Variants in MMP24 observed in about 807,000 individuals in gnomAD.
MMP24 encodes matrix metalloproteinase-24.
Under a neutral mutation model 62.8 loss-of-function variants are expected in MMP24, and 25 were observed. The observed-to-expected ratio is 0.40, with a 90% CI of 0.29 to 0.56. The LOEUF is 0.56. Ranked by LOEUF, MMP24 falls within the 20% of genes least tolerant of loss-of-function variation. MMP24 has a pLI of 0.50. For missense variants in MMP24, 634 were observed against 853.6 expected (o/e 0.74, Z 3.21); for synonymous variants, 319 against 350.5 (o/e 0.91, Z 1.00).
At chr20:35,237,509 C>A (rs1476835222) in intron 1 of MMP24, among the ~76,000 whole-genome samples, 1 of 152,214 alleles carries the variant, frequency 6.6e-6, no homozygotes, top group Admixed American at 6.5e-5. Context: ...TTAACTTAAT[C>A]ATTTCTATAA....
intron 1 of MMP24, among the ~76,000 whole-genome samples, chr20:35,245,387 ATCTCTCTCTCTTCTCTCTGTCTCTGTCTG>A (rs2146209935): frequency 6.6e-6 from 1 of 151,798 alleles, no homozygotes; most frequent in South Asian, 2.1e-4. Flanking sequence ...TACTTACTTT[ATCTCTCTCTCTTCTCTCTGTCTCTGTCTG>A]TCTCTCTCTT....
chr20:35,263,670 TG>T, intron 4 of MMP24, 120 bp from the exon 5 acceptor site: 3 of 770,380 alleles, frequency 3.9e-6, no homozygotes, highest in African/African-American at 1.8e-5. Flanking sequence ...TGTATGTCCC[TG>T]GTGTCCAGCA....
intron 7 of MMP24, among the ~76,000 whole-genome samples, chr20:35,270,439 C>A (rs2060662701): frequency 6.6e-6 from 1 of 152,244 alleles, no homozygotes; most frequent in Non-Finnish European, 1.5e-5. Flanking sequence ...CACCTGATGG[C>A]CACGGAGGCC....
At chr20:35,245,643 T>C (rs2060510854) in intron 1 of MMP24, among the ~76,000 whole-genome samples, 1 of 151,850 alleles carries the variant, frequency 6.6e-6, no homozygotes, top group Non-Finnish European at 1.5e-5. Flanking sequence ...GAGACGAGGT[T>C]TCATCATATT....
chr20:35,271,669 A>C lies in MMP24; in HGVS notation c.1434A>C (p.Thr478=), dbSNP rs1206874375. ...GTTTGCCCCGTGAAGGCATTGACAC[A>C]GCTCTGCGCTGGGAACCTGTGGGCA... The part of the protein sequence containing the change: ...GSCLPREGID[T]ALRWEPVGKT... Residue 478 remains threonine (T), a synonymous_variant, in exon 8 of 9, where the codon ACA becomes ACC. Transcript: ENST00000246186. The surrounding 1 kb of genome is among the most constrained non-coding windows in gnomAD (Gnocchi z 4.0). 6.2e-7 allele frequency: 1 copy of C among 1,609,440 alleles called. No individual in the cohort carries two copies. Among genetic ancestry groups the C allele is most frequent in the Non-Finnish European group, 8.5e-7 (1 of 1,178,060 alleles).
chr20:35,227,966 T>C (rs1403536202), intron 1 of MMP24, among the ~76,000 whole-genome samples: 2 of 152,104 alleles, frequency 1.3e-5, no homozygotes, highest in Non-Finnish European at 1.5e-5. Flanking sequence ...GGGGGTGCAG[T>C]TGGACTAATT....
At chr20:35,235,073 G>T (rs138870133) in intron 1 of MMP24, among the ~76,000 whole-genome samples, 31 of 152,290 alleles carry the variant, frequency 2.0e-4, no homozygotes, top group South Asian at 2.1e-4. Context: ...ATGACTTACA[G>T]GTTATTTAGT....
Position 35,275,720 on chromosome 20 carries a change from G to A in MMP24, c.*1111G>A, listed in dbSNP as rs559759625. The stretch of plus-strand genomic sequence containing the variant: ...TCAGTGCCCCCACTACTCTGAGGCC[G>A]ACTCCAGCTACTCTGAGGCCGACTC... On this transcript the variant is annotated 3_prime_UTR_variant, in exon 9 of 9. Transcript: ENST00000246186. The A allele has an allele frequency of 2.5e-5, 7 of 283,292 alleles. No individual in the cohort carries two copies. Among genetic ancestry groups the A allele is most frequent in the African/African-American group, 1.3e-4 (6 of 46,240 alleles). 17.5% of individuals were successfully genotyped at this position (283,292 alleles called of 1,614,324 possible). A position where few individuals can be genotyped will look rare whatever the true frequency, so the allele number is the denominator to read the frequency against.
At chr20:35,243,022 A>G (rs2060496786) in intron 1 of MMP24, among the ~76,000 whole-genome samples, 1 of 152,148 alleles carries the variant, frequency 6.6e-6, no homozygotes, top group African/African-American at 2.4e-5. Context: ...TACTAAAAAT[A>G]CAAAAATTAG....
chr20:35,238,460 A>T (rs184177400), intron 1 of MMP24, among the ~76,000 whole-genome samples: 1 of 152,202 alleles, frequency 6.6e-6, no homozygotes, highest in African/African-American at 2.4e-5. Context: ...AAGGCTCCCC[A>T]AAGAGGGAGG....
At chr20:35,240,908 A>G (rs1433679870) in intron 1 of MMP24, among the ~76,000 whole-genome samples, 1 of 152,244 alleles carries the variant, frequency 6.6e-6, no homozygotes, top group African/African-American at 2.4e-5. Context: ...AAAAACAGAC[A>G]TATCCATGAC....
chr20:35,245,216 G>C (rs1480978454), intron 1 of MMP24, among the ~76,000 whole-genome samples: 4 of 151,980 alleles, frequency 2.6e-5, no homozygotes, highest in African/African-American at 9.7e-5. Flanking sequence ...TTGTAGAGAT[G>C]GGGTCTTGAT....
In MMP24 at chr20:35,269,732, T is replaced by C. The variant is rs776655013; in HGVS notation, c.1195-28T>C. 3.2e-6 allele frequency: 5 copies of C among 1,558,994 alleles called. No homozygotes were observed. The highest frequency in any genetic ancestry group is 2.7e-5 in the African/African-American group (2 of 73,166). On this transcript the variant is annotated intron_variant, in intron 6 of 8. Coordinates refer to ENST00000246186, the MANE Select transcript of MMP24 (RefSeq NM_006690.4). The surrounding 1 kb of genome is among the most constrained non-coding windows in gnomAD (Gnocchi z 4.6). ...GTTCGGAGGCAGGGCCTGACACACC[T>C]CTCTCCCCCTCTCCCGCTTCCTCCC... is the stretch of plus-strand genomic sequence containing the variant.
intron 1 of MMP24, 87 bp downstream of exon 1, chr20:35,227,071 C>T (rs1215590444): frequency 3.2e-6 from 3 of 949,444 alleles, no homozygotes; most frequent in Admixed American, 6.3e-5. Context: ...TGGGCCGGGC[C>T]GCACCTACTG....
intron 2 of MMP24, 85 bp from the exon 3 acceptor site, chr20:35,251,820 T>C: frequency 9.1e-7 from 1 of 1,098,686 alleles, no homozygotes. Context: ...CTTTCCAGAC[T>C]GGAGCTGGGG....
rs768141429 is a variant in MMP24, at chr20:35,271,820, A to C, written c.1585A>C (p.Ile529Leu). 1.2e-6 allele frequency: 2 copies of C among 1,610,168 alleles called. No individual in the cohort carries two copies. Among genetic ancestry groups the C allele is most frequent in the African/African-American group, 2.7e-5 (2 of 74,878 alleles). ...CCCACAGGCTCCCCAAGGAGCCTTCATCAGCAAGGAAGGATGTACGTAAGG... is the reference window on the plus strand; with the variant it reads ...CCCACAGGCTCCCCAAGGAGCCTTCCTCAGCAAGGAAGGATGTACGTAAGG... ...GIPQAPQGAF[I>L]SKEGYYTYFY... is the part of the protein sequence containing the mutation. The change falls in exon 8 of 9, where the codon ATC (isoleucine) becomes CTC (leucine). Residue 529 changes from isoleucine to leucine, a missense_variant. Around this residue, in one of 3 missense-constraint regions of MMP24, gnomAD observed 399 missense variants for 530.8 expected, o/e 0.75. Transcript: ENST00000246186. The surrounding 1 kb of genome is among the most constrained non-coding windows in gnomAD (Gnocchi z 4.0).
Position 35,271,984 on chromosome 20 carries a change from G to A in MMP24, c.1600+149G>A, listed in dbSNP as rs182794035. On this transcript the variant is annotated intron_variant, in intron 8 of 8. Transcript: ENST00000246186. The surrounding 1 kb of genome is among the most constrained non-coding windows in gnomAD (Gnocchi z 4.0). Reference sequence around the variant, plus strand: ...CTGCCTCATATCTACCCATGTTCACGTGGTCCATTAATTCACTTACCAGCT... The same window carrying A: ...CTGCCTCATATCTACCCATGTTCACATGGTCCATTAATTCACTTACCAGCT... 2.8e-5 allele frequency: 24 copies of A among 872,052 alleles called. No individual in the cohort carries two copies. The highest frequency in any genetic ancestry group is 3.6e-5 in the Non-Finnish European group (21 of 586,586). The allele number at this position is 872,052 out of a possible 1,614,324, so 54.0% of individuals were successfully genotyped here.
chr20:35,247,014 C>G, intron 2 of MMP24, 26 bp downstream of exon 2: 1 of 1,612,892 alleles, frequency 6.2e-7, no homozygotes, highest in Non-Finnish European at 8.5e-7. Flanking sequence ...GACATTGTGC[C>G]TTTGAACTTT....
At chr20:35,266,286 A>G (rs2060634674) in intron 5 of MMP24, among the ~76,000 whole-genome samples, 1 of 139,738 alleles carries the variant, frequency 7.2e-6, no homozygotes, top group Admixed American at 7.8e-5. Flanking sequence ...TGGGAGGCAG[A>G]GGTTGCAGTG....
Sources: gnomAD v4.1 joint callset for allele counts (sites outside exome capture counted in the v4.1 genomes callset) on GRCh38, gnomAD v4.1.1 for gene constraint, gnomAD v4.1.1 regional missense constraint, Gnocchi (gnomAD v3.1) non-coding constraint, MANE v1.5 for transcripts, NCBI Gene and HGNC (gene_info 2026-07-23, HGNC 2026-07-21) for gene names.